Variants in C19orf47 observed in about 807,000 individuals in gnomAD.
C19orf47 encodes the protein chromosome 19 open reading frame 47.
In C19orf47, 18 loss-of-function variants were observed where a neutral mutation model predicts 32.3. The ratio of observed to expected loss-of-function variants is 0.56; its 90% confidence interval spans 0.39 to 0.83. C19orf47 has a LOEUF of 0.83. Ranked by LOEUF, C19orf47 falls within the 40% of genes least tolerant of loss-of-function variation. The pLI is 0.00. For missense variants in C19orf47, 484 were observed against 531.6 expected (o/e 0.91, Z 0.88); for synonymous variants, 202 against 211.1 (o/e 0.96, Z 0.37).
chr19:40,344,534 C>T lies in C19orf47; in HGVS notation c.-33-2644G>A, dbSNP rs192556047. On this transcript the variant is annotated intron_variant, in intron 1 of 8. Transcript: ENST00000683109. The stretch of plus-strand genomic sequence containing the variant: ...AACATGCATCTCTCAAAGAACAGCA[C>T]GGAGAGGTCTCAGTAAGTCAGACAG... Among the ~76,000 whole-genome samples the T allele has an allele frequency of 1.5e-3, 226 of 152,114 alleles. 1 individual carries two copies. The highest frequency in any genetic ancestry group is 2.6e-3 in the Non-Finnish European group (174 of 67,992).
the C19orf47 span, among the ~76,000 whole-genome samples, chr19:40,296,135 T>C: frequency 7.9e-5 from 12 of 152,328 alleles, no homozygotes; most frequent in East Asian, 2.3e-3. Flanking sequence ...TGTCATTGTG[T>C]GAACATCAGA....
In C19orf47 at chr19:40,321,172, T is replaced by C; in HGVS notation, c.*710A>G. Reference sequence around the variant, plus strand: ...CCCGCCATACACTTTCAGAGACAGATGCCCAGGGCAGGAAAACGGATGCGC... The same window carrying C: ...CCCGCCATACACTTTCAGAGACAGACGCCCAGGGCAGGAAAACGGATGCGC... On this transcript the variant is annotated 3_prime_UTR_variant, in exon 9 of 9. Coordinates refer to ENST00000683109, the MANE Select transcript of C19orf47 (RefSeq NM_001256441.2). 1 of 930,438 alleles carries C rather than the reference T, an allele frequency of 1.1e-6. No homozygotes were observed. 57.6% of individuals were successfully genotyped at this position (930,438 alleles called of 1,614,324 possible).
intron 1 of C19orf47, chr19:40,343,615 G>C (rs931988997): frequency 1.3e-5 from 2 of 152,100 alleles, no homozygotes; most frequent in African/African-American, 2.4e-5. Flanking sequence ...GTGCTTTGCC[G>C]GCCTCCCAGT....
intron 4 of C19orf47, among the ~76,000 whole-genome samples, chr19:40,335,365 G>A (rs1207573704): frequency 1.3e-5 from 2 of 152,172 alleles, no homozygotes; most frequent in Non-Finnish European, 2.9e-5. Flanking sequence ...CTTATCACAA[G>A]GAAAATGTGA....
chr19:40,328,755 C>T (rs892741833), intron 5 of C19orf47, among the ~76,000 whole-genome samples: 7 of 152,040 alleles, frequency 4.6e-5, no homozygotes, highest in Non-Finnish European at 8.8e-5. Context: ...GCCCATCCCT[C>T]CCTATCCTGG....
chr19:40,322,698 AT>A (rs1331565174), intron 8 of C19orf47, among the ~76,000 whole-genome samples: 2 of 152,218 alleles, frequency 1.3e-5, no homozygotes, highest in African/African-American at 4.8e-5. Flanking sequence ...ATAGGTGGGC[AT>A]GAGTGGAGTG....
At chr19:40,302,134 CTAGG>C in the C19orf47 span, among the ~76,000 whole-genome samples, 1 of 152,138 alleles carries the variant, frequency 6.6e-6, no homozygotes, top group Non-Finnish European at 1.5e-5. Context: ...GCACTCCAGC[CTAGG>C]CGACAGAACA....
At chr19:40,329,793 C>T (rs925967652) in intron 5 of C19orf47, among the ~76,000 whole-genome samples, 2 of 152,172 alleles carry the variant, frequency 1.3e-5, no homozygotes, top group Non-Finnish European at 2.9e-5. Flanking sequence ...TCTGGCTATG[C>T]AGAATCTGTC....
chr19:40,315,485 G>GA (rs1055656789), downstream of C19orf47, among the ~76,000 whole-genome samples: 1 of 151,590 alleles, frequency 6.6e-6, no homozygotes, highest in Non-Finnish European at 1.5e-5. Flanking sequence ...GTCTCTACAA[G>GA]AAAAAAAACA....
At chr19:40,336,991 G>A (rs1034926357) in intron 2 of C19orf47, among the ~76,000 whole-genome samples, 9 of 152,150 alleles carry the variant, frequency 5.9e-5, no homozygotes, top group African/African-American at 2.2e-4. Flanking sequence ...CTAACCCTGC[G>A]ATTTCCCTAT....
chr19:40,341,671 G>T, intron 2 of C19orf47, 168 bp downstream of exon 2: 1 of 909,320 alleles, frequency 1.1e-6, no homozygotes, highest in Non-Finnish European at 1.6e-6. Flanking sequence ...GTGATGAGGC[G>T]GGCAGGCCTC....
intron 8 of C19orf47, 60 bp from the exon 9 acceptor site, chr19:40,322,436 G>A (rs940671954): frequency 6.7e-7 from 1 of 1,491,168 alleles, no homozygotes; most frequent in East Asian, 2.3e-5. Flanking sequence ...CATTCATGGA[G>A]AGCTGCTTCC....
At chr19:40,314,899 C>T (rs1411017626), downstream of C19orf47, among the ~76,000 whole-genome samples, 2 of 152,142 alleles carry the variant, frequency 1.3e-5, no homozygotes, top group Non-Finnish European at 2.9e-5. Flanking sequence ...TGAGGTCTTC[C>T]TCCAAAAAAC....
intron 1 of C19orf47, among the ~76,000 whole-genome samples, chr19:40,347,698 TCCAATTCTAAGTTTTTC>T (rs2078343274): frequency 1.3e-5 from 2 of 152,112 alleles, no homozygotes; most frequent in Admixed American, 1.3e-4. Flanking sequence ...TTTCCCCGGC[TCCAATTCTAAGTTTTTC>T]CTATTGCTGT....
chr19:40,336,456 T>G (rs996144436), intron 2 of C19orf47, 49 bp from the exon 3 acceptor site: 3 of 1,514,278 alleles, frequency 2.0e-6, no homozygotes, highest in South Asian at 2.3e-5. Flanking sequence ...CTTTAGAGAA[T>G]AGCATTAGCA....
the C19orf47 span, among the ~76,000 whole-genome samples, chr19:40,301,495 C>T: frequency 2.0e-5 from 3 of 151,292 alleles, no homozygotes; most frequent in Non-Finnish European, 2.9e-5. Context: ...GAACCCACCA[C>T]CATGCCCAGC....
chr19:40,348,207 GAAAC>G, intron 1 of C19orf47, 113 bp downstream of exon 1: 1 of 643,478 alleles, frequency 1.6e-6, no homozygotes, highest in Non-Finnish European at 2.3e-6. Context: ...GAGGCTCAAA[GAAAC>G]AAATCGTAAG....
intron 1 of C19orf47, among the ~76,000 whole-genome samples, chr19:40,344,133 C>T (rs984743710): frequency 2.6e-5 from 4 of 152,026 alleles, no homozygotes; most frequent in African/African-American, 9.7e-5. Context: ...TCACTCTGTC[C>T]TGTACTCAAC....
At chr19:40,343,803 T>A (rs1356122737) in intron 1 of C19orf47, 1 of 152,230 alleles carries the variant, frequency 6.6e-6, no homozygotes, top group Non-Finnish European at 1.5e-5. Flanking sequence ...CAATTTTTTT[T>A]TTTTTTTTTT....
Sources: gnomAD v4.1 joint callset for allele counts (sites outside exome capture counted in the v4.1 genomes callset) on GRCh38, gnomAD v4.1.1 for gene constraint, MANE v1.5 for transcripts, NCBI Gene and HGNC (gene_info 2026-07-23, HGNC 2026-07-21) for gene names.